Variants in CTNNA3 observed in about 807,000 individuals in gnomAD.
The protein encoded by CTNNA3 is catenin alpha-3.
Under a neutral mutation model 95.7 loss-of-function variants are expected in CTNNA3, and 76 were observed. The observed-to-expected ratio is 0.79, with a 90% CI of 0.66 to 0.96. The LOEUF (loss-of-function observed/expected upper bound fraction) is 0.96. Ranked by LOEUF, CTNNA3 falls within the 40% of genes least tolerant of loss-of-function variation. The pLI, the probability that CTNNA3 is intolerant of heterozygous loss-of-function variation, is 0.00. For synonymous variants in CTNNA3, 431 were observed against 374.4 expected, an observed-to-expected ratio of 1.15 and a Z score of -1.74; for missense variants, 1,191 against 1,089.8, an observed-to-expected ratio of 1.09 and a Z score of -1.31.
chr10:67,628,919 A>G (rs1290702654), intron 2 of CTNNA3, among the ~76,000 whole-genome samples: 3 of 151,998 alleles, frequency 2.0e-5, no homozygotes, highest in African/African-American at 7.2e-5. Flanking sequence ...AAAGAAGTTC[A>G]TGGGAATAAC....
intron 7 of CTNNA3, among the ~76,000 whole-genome samples, chr10:66,844,549 T>C (rs1465893326): frequency 6.6e-6 from 1 of 152,208 alleles, no homozygotes; most frequent in Non-Finnish European, 1.5e-5. Flanking sequence ...TCTTGGGAAT[T>C]TGGCTCATGT....
intron 13 of CTNNA3, among the ~76,000 whole-genome samples, chr10:66,233,860 T>C (rs1454956154): frequency 1.3e-5 from 2 of 152,204 alleles, no homozygotes; most frequent in African/African-American, 4.8e-5. Context: ...TATAAGAATG[T>C]TCATAGCAGC....
chr10:66,492,544 C>T (rs1002562950), intron 11 of CTNNA3, among the ~76,000 whole-genome samples: 1 of 151,552 alleles, frequency 6.6e-6, no homozygotes, highest in Non-Finnish European at 1.5e-5. Context: ...ATTTAAACTT[C>T]TATTGTGGAA....
rs2077051376 is a variant in CTNNA3, at chr10:65,919,576, T to C, written c.*754A>G. 6.6e-6 allele frequency: 1 copy of C among 152,174 alleles called. No homozygotes were observed. The highest frequency in any genetic ancestry group is 1.9e-4 in the East Asian group (1 of 5,198). The allele number at this position is 152,174 out of a possible 1,614,324, so 9.4% of individuals were successfully genotyped here. ...CTCTTCTTTCACATATGTATTCGGA[T>C]AGGCCTAACACTCAAAAGTACAGAA... On this transcript the variant is annotated 3_prime_UTR_variant, in exon 18 of 18. Coordinates refer to ENST00000433211, the MANE Select transcript of CTNNA3 (RefSeq NM_013266.4).
intron 9 of CTNNA3, among the ~76,000 whole-genome samples, chr10:66,659,027 T>G (rs890877693): frequency 1.3e-5 from 2 of 152,096 alleles, no homozygotes; most frequent in African/African-American, 4.8e-5. Flanking sequence ...ATTTATTCAC[T>G]CATTCAACAT....
chr10:67,157,305 A>G (rs1477714472), intron 7 of CTNNA3, among the ~76,000 whole-genome samples: 1 of 152,190 alleles, frequency 6.6e-6, no homozygotes, highest in Non-Finnish European at 1.5e-5. Context: ...ACAAATAAGT[A>G]TATCTGCCAT....
Position 67,473,571 on chromosome 10 carries a change from T to C in CTNNA3, c.579+48271A>G, listed in dbSNP as rs74142818. Among the ~76,000 whole-genome samples, 357 of 152,326 alleles carry C rather than the reference T, an allele frequency of 2.3e-3. 1 individual carries two copies. The highest frequency in any genetic ancestry group is 8.3e-3 in the African/African-American group (343 of 41,572). The stretch of plus-strand genomic sequence containing the variant: ...TCCATCCAAGACTAGAGTCTAAGTA[T>C]ACCTTTGCATAACTTAAGAGGCTCA... On this transcript the variant is annotated intron_variant, in intron 5 of 17. Transcript: ENST00000433211.
chr10:66,696,183 T>A (rs912540625), intron 9 of CTNNA3, among the ~76,000 whole-genome samples: 1 of 152,194 alleles, frequency 6.6e-6, no homozygotes, highest in African/African-American at 2.4e-5. Context: ...TATATGAATT[T>A]AACTTCATCT....
chr10:66,476,446 C>T (rs1193026413), intron 11 of CTNNA3, among the ~76,000 whole-genome samples: 1 of 152,024 alleles, frequency 6.6e-6, no homozygotes, highest in African/African-American at 2.4e-5. Context: ...ATTTTTGCAA[C>T]AGCATTCTTC....
chr10:66,270,954 T>C (rs1361729105), intron 13 of CTNNA3, among the ~76,000 whole-genome samples: 3 of 152,186 alleles, frequency 2.0e-5, no homozygotes, highest in Non-Finnish European at 4.4e-5. Flanking sequence ...TCTTGAGATT[T>C]ATGTGTTTAT....
intron 7 of CTNNA3, among the ~76,000 whole-genome samples, chr10:67,062,273 T>G (rs1430129146): frequency 1.3e-5 from 2 of 152,204 alleles, no homozygotes; most frequent in Non-Finnish European, 2.9e-5. Flanking sequence ...TTCTTTATTG[T>G]AACTTATAGC....
intron 6 of CTNNA3, among the ~76,000 whole-genome samples, chr10:67,209,082 C>T (rs993673565): frequency 1.3e-5 from 2 of 152,118 alleles, no homozygotes; most frequent in Admixed American, 6.5e-5. Flanking sequence ...CAGAGTCTCA[C>T]TCTGTCACCA....
At chr10:67,045,087 A>G (rs529410501) in intron 7 of CTNNA3, among the ~76,000 whole-genome samples, 7 of 152,342 alleles carry the variant, frequency 4.6e-5, no homozygotes, top group Middle Eastern at 3.4e-3. Context: ...AAATAAATAC[A>G]TATTAAAGAC....
At chr10:65,933,262 CA>C (rs1216963376) in intron 17 of CTNNA3, among the ~76,000 whole-genome samples, 1 of 152,120 alleles carries the variant, frequency 6.6e-6, no homozygotes, top group African/African-American at 2.4e-5. Context: ...ACATGTCTCA[CA>C]AGAGCCATAA....
chr10:66,849,393 C>T, intron 7 of CTNNA3, among the ~76,000 whole-genome samples: 1 of 152,048 alleles, frequency 6.6e-6, no homozygotes, highest in South Asian at 2.1e-4. Context: ...TGTTTGTTTC[C>T]TTTTTGGTAA....
chr10:66,489,598 ACGTG>A (rs1250988018), intron 11 of CTNNA3, among the ~76,000 whole-genome samples: 1 of 152,114 alleles, frequency 6.6e-6, no homozygotes, highest in African/African-American at 2.4e-5. Context: ...GCACACACAC[ACGTG>A]CACACACACA....
intron 16 of CTNNA3, among the ~76,000 whole-genome samples, chr10:65,983,708 C>G (rs9943449): frequency 6.6e-6 from 1 of 150,960 alleles, no homozygotes; most frequent in East Asian, 1.9e-4. Context: ...TTTTTGAGAC[C>G]GCCATTTTGA....
At chr10:67,662,382 T>C (rs189656563) in intron 1 of CTNNA3, among the ~76,000 whole-genome samples, 1 of 152,310 alleles carries the variant, frequency 6.6e-6, no homozygotes, top group Non-Finnish European at 1.5e-5. Flanking sequence ...TTTTGAACCA[T>C]GGGTAGCTGA....
chr10:66,251,311 TAA>T (rs11364669), intron 13 of CTNNA3, among the ~76,000 whole-genome samples: 2,834 of 151,388 alleles, frequency 0.019, 46 homozygotes, highest in African/African-American at 0.05. Flanking sequence ...CCTTTGAAAT[TAA>T]AAAAAAAAAT....
Sources: allele counts gnomAD v4.1 joint callset (sites outside exome capture counted in the v4.1 genomes callset), GRCh38; gene constraint gnomAD v4.1.1; transcripts MANE v1.5; gene names NCBI Gene and HGNC (gene_info 2026-07-23, HGNC 2026-07-21).